CELF2: variants seen among roughly 807,000 people sequenced by gnomAD.
CELF2 encodes CUGBP Elav-like family member 2.
A neutral mutation model predicts 62.6 loss-of-function variants in CELF2; 8 were observed. That is an observed-to-expected ratio of 0.13 (90% confidence interval 0.07 to 0.23). The LOEUF is 0.23. CELF2 is among the 10% of genes least tolerant of loss of function. The pLI, the probability that CELF2 is intolerant of heterozygous loss-of-function variation, is 1.00. For missense variants in CELF2, 333 were observed against 671.0 expected, an observed-to-expected ratio of 0.50 and a Z score of 5.56; for synonymous variants, 258 against 250.0, an observed-to-expected ratio of 1.03 and a Z score of -0.30.
rs1233707211 is a variant in CELF2, at chr10:11,046,858, G to A, written c.74+28695G>A. 6.6e-6 allele frequency among the ~76,000 whole-genome samples: 1 copy of A among 152,140 alleles called. No individual in the cohort carries two copies. The highest frequency in any genetic ancestry group is 2.4e-5 in the African/African-American group (1 of 41,416). Reference sequence around the variant, plus strand: ...ATTTCATCGAAACTGCCTCCACTAAGCTAACATGTGCTTGAGTCACTGGGG... The same window carrying A: ...ATTTCATCGAAACTGCCTCCACTAAACTAACATGTGCTTGAGTCACTGGGG... On this transcript the variant is annotated intron_variant, in intron 1 of 12. Coordinates refer to ENST00000633077, the MANE Select transcript of CELF2 (RefSeq NM_001326342.2). This position sits in a 1 kb window ranked among gnomAD's most constrained non-coding sequence, Gnocchi z 4.6.
At chr10:11,036,976 G>A (rs1278260591) in intron 1 of CELF2, among the ~76,000 whole-genome samples, 4 of 152,246 alleles carry the variant, frequency 2.6e-5, no homozygotes, top group East Asian at 1.9e-4. Context: ...GGCGTCTTGC[G>A]CTTCTCACTC....
chr10:10,964,840 A>G (rs2049942984), intron 2 of CELF2, among the ~76,000 whole-genome samples: 1 of 152,242 alleles, frequency 6.6e-6, no homozygotes, highest in African/African-American at 2.4e-5. Context: ...TAAACTTGCA[A>G]AATGCTTTCA....
chr10:10,849,644 A>G (rs1204505351), intron 1 of CELF2, among the ~76,000 whole-genome samples: 1 of 152,124 alleles, frequency 6.6e-6, no homozygotes, highest in Admixed American at 6.5e-5. Flanking sequence ...CGACAGTACA[A>G]TTATCAAAAT....
rs146021099 is a variant in CELF2 at position 10,919,830 on chromosome 10, A to G, written c.54-134A>G. 9.4e-4 allele frequency: 477 copies of G among 505,924 alleles called. 1 individual carries two copies. Among genetic ancestry groups the G allele is most frequent in the East Asian group, 1.1e-3 (32 of 28,252 alleles). The allele number at this position is 505,924 out of a possible 1,614,324, so 31.3% of individuals were successfully genotyped here. A position where few individuals can be genotyped will look rare whatever the true frequency, so the allele number is the denominator to read the frequency against. On this transcript the variant is annotated intron_variant, in intron 1 of 13. Coordinates refer to the CELF2 transcript ENST00000636488. Reference sequence around the variant, plus strand: ...TCAGAAATGCAATTAATCAATTTTAACTTTCTAACCACCTGCATGTACGGT... The same window carrying G: ...TCAGAAATGCAATTAATCAATTTTAGCTTTCTAACCACCTGCATGTACGGT...
chr10:10,933,939 A>G (rs1220304529), intron 2 of CELF2, among the ~76,000 whole-genome samples: 2 of 152,172 alleles, frequency 1.3e-5, no homozygotes, highest in East Asian at 3.8e-4. Flanking sequence ...ATTGATTTCA[A>G]TTCCTTTGCA....
chr10:10,641,941 A>T, the CELF2 span, among the ~76,000 whole-genome samples: 21 of 152,262 alleles, frequency 1.4e-4, no homozygotes, highest in African/African-American at 4.8e-4. Context: ...TATCACTCTT[A>T]TGCTGATTCT....
chr10:11,320,880 C>A (rs1415060378), intron 10 of CELF2: 7 of 1,536,758 alleles, frequency 4.6e-6, no homozygotes, highest in Non-Finnish European at 5.3e-6. Context: ...AAGGCTTTTA[C>A]TTCCAAAAGA....
At chr10:11,106,929 G>A (rs2053648939) in intron 1 of CELF2, among the ~76,000 whole-genome samples, 1 of 152,220 alleles carries the variant, frequency 6.6e-6, no homozygotes, top group African/African-American at 2.4e-5. Context: ...GGCACCTCCT[G>A]TGCCTGCAGG....
chr10:10,841,086 G>C (rs1249515144), intron 1 of CELF2, among the ~76,000 whole-genome samples: 1 of 152,070 alleles, frequency 6.6e-6, no homozygotes, highest in Non-Finnish European at 1.5e-5. Context: ...TATCCAGTCT[G>C]TCACTGATGG....
intron 1 of CELF2, chr10:11,071,412 C>G (rs968581575): frequency 1.2e-4 from 18 of 152,218 alleles, no homozygotes; most frequent in African/African-American, 4.1e-4. Flanking sequence ...TACTTCCCTG[C>G]CAGAGTCGAA....
At chr10:10,883,070 C>A (rs1490321857) in intron 1 of CELF2, among the ~76,000 whole-genome samples, 1 of 152,076 alleles carries the variant, frequency 6.6e-6, no homozygotes, top group Non-Finnish European at 1.5e-5. Context: ...TAATAGTTTA[C>A]TTTCATTGTT....
At chr10:11,274,821 A>G (rs2085369338) in intron 7 of CELF2, among the ~76,000 whole-genome samples, 1 of 136,552 alleles carries the variant, frequency 7.3e-6, no homozygotes, top group Non-Finnish European at 1.6e-5. Flanking sequence ...AAAAGAGTAA[A>G]TTGATTAATT....
At chr10:10,696,647 C>T in the CELF2 span, among the ~76,000 whole-genome samples, 94 of 152,062 alleles carry the variant, frequency 6.2e-4, no homozygotes, top group African/African-American at 1.7e-3. Flanking sequence ...GTGCTAGCAA[C>T]CAGTGAGATT....
chr10:11,204,546 G>A (rs1015832283), intron 2 of CELF2, among the ~76,000 whole-genome samples: 3 of 152,208 alleles, frequency 2.0e-5, no homozygotes, highest in African/African-American at 4.8e-5. Flanking sequence ...ATGCCTTGTC[G>A]GGGGCCGGTG....
At chr10:11,122,244 A>C (rs2057902889) in intron 1 of CELF2, among the ~76,000 whole-genome samples, 1 of 152,170 alleles carries the variant, frequency 6.6e-6, no homozygotes, top group Non-Finnish European at 1.5e-5. Context: ...TTAATATGAC[A>C]GCCTGTCATC....
At chr10:10,474,364 A>G in the CELF2 span, among the ~76,000 whole-genome samples, 1 of 152,080 alleles carries the variant, frequency 6.6e-6, no homozygotes, top group African/African-American at 2.4e-5. Flanking sequence ...CAGAGTAACA[A>G]TGTGAATGGT....
chr10:11,200,022 G>C (rs1399788238), intron 2 of CELF2, among the ~76,000 whole-genome samples: 1 of 152,178 alleles, frequency 6.6e-6, no homozygotes, highest in African/African-American at 2.4e-5. Flanking sequence ...ATCTTCCAGG[G>C]ACAGATTTTG....
upstream of CELF2, among the ~76,000 whole-genome samples, chr10:11,001,365 C>G (rs984361388): frequency 6.6e-6 from 1 of 152,150 alleles, no homozygotes. Context: ...TTCTGTCAGG[C>G]TCTGGCATAT....
intron 1 of CELF2, among the ~76,000 whole-genome samples, chr10:10,890,443 G>A (rs1428066877): frequency 1.3e-5 from 2 of 152,148 alleles, no homozygotes; most frequent in Non-Finnish European, 2.9e-5. Context: ...ACAAAGCATA[G>A]TATAAAATTC....
Sources: gnomAD v4.1 joint callset for allele counts (sites outside exome capture counted in the v4.1 genomes callset) on GRCh38, gnomAD v4.1.1 for gene constraint, Gnocchi (gnomAD v3.1) non-coding constraint, MANE v1.5 for transcripts, NCBI Gene and HGNC (gene_info 2026-07-23, HGNC 2026-07-21) for gene names.